FHOD1: variants seen among roughly 807,000 people sequenced by gnomAD.
The protein encoded by FHOD1 is formin homology 2 domain containing 1.
A neutral mutation model predicts 111.6 loss-of-function variants in FHOD1; 89 were observed. The ratio of observed to expected loss-of-function variants is 0.80; its 90% CI spans 0.67 to 0.95. The LOEUF (loss-of-function observed/expected upper bound fraction) is 0.95, where lower values mean the gene tolerates loss of function less well. Ranked by LOEUF, FHOD1 falls within the 40% of genes least tolerant of loss-of-function variation. The pLI, the probability that FHOD1 is intolerant of heterozygous loss-of-function variation, is 0.00. For synonymous variants in FHOD1, 618 were observed against 639.0 expected, an observed-to-expected ratio of 0.97 and a Z score of 0.50; for missense variants, 1,446 against 1,554.2, an observed-to-expected ratio of 0.93 and a Z score of 1.17.
chr16:67,244,729 G>A (rs1567397356), intron 1 of FHOD1, among the ~76,000 whole-genome samples: 2 of 152,188 alleles, frequency 1.3e-5, no homozygotes, highest in Non-Finnish European at 1.5e-5. Context: ...GTACCCAGAG[G>A]AGGACAGAGG....
Position 67,247,412 on chromosome 16 carries a change from G to C in FHOD1, c.-2C>G. ...CCCGCGGTCTTCCCCGCCCGCCATG[G>C]CTCTGCGGCCGGCTCACGCAGCGCG... On this transcript the variant is annotated 5_prime_UTR_variant, in exon 1 of 22. Coordinates refer to ENST00000258201, the MANE Select transcript of FHOD1 (RefSeq NM_013241.3). The C allele has an allele frequency of 6.2e-7, 1 of 1,612,176 alleles. No homozygotes were observed. Among genetic ancestry groups the C allele is most frequent in the South Asian group, 1.1e-5 (1 of 91,014 alleles).
chr16:67,229,785 T>A lies in FHOD1; in HGVS notation c.3412+8A>T. On this transcript the variant is annotated splice_region_variant and intron_variant, in intron 21 of 21. Coordinates refer to ENST00000258201, the MANE Select transcript of FHOD1 (RefSeq NM_013241.3). Reference sequence around the variant, plus strand: ...AGGTGGGCAGTGGGATTGTGGGGGGTTACTTACAAGACTTGCGGTTGCCGC... The same window carrying A: ...AGGTGGGCAGTGGGATTGTGGGGGGATACTTACAAGACTTGCGGTTGCCGC... The A allele has an allele frequency of 6.2e-7, 1 of 1,613,828 alleles. No homozygotes were observed. Among genetic ancestry groups the A allele is most frequent in the Non-Finnish European group, 8.5e-7 (1 of 1,179,946 alleles).
rs1200001307 is a variant in FHOD1 at position 67,231,876 on chromosome 16, G to A, written c.2203-57C>T. ...CCTCAATGCAGGCCTGAGGCCTGAG[G>A]CATTGGTCTTGACCCCTCAGTCATC... On this transcript the variant is annotated intron_variant, in intron 14 of 21. Coordinates refer to ENST00000258201, the MANE Select transcript of FHOD1 (RefSeq NM_013241.3). The surrounding 1 kb of genome is among the most constrained non-coding windows in gnomAD (Gnocchi z 4.3). 3.8e-6 allele frequency: 6 copies of A among 1,574,664 alleles called. No individual in the cohort carries two copies. The highest frequency in any genetic ancestry group is 5.2e-6 in the Non-Finnish European group (6 of 1,157,252).
rs756826518 is a variant in FHOD1 at position 67,231,844 on chromosome 16, A to G, written c.2203-25T>C. 13 of 1,608,348 alleles carry G rather than the reference A, an allele frequency of 8.1e-6. No homozygotes were observed. In the East Asian group the frequency reaches 2.2e-4, roughly 28 times the overall value. ...TCTGAGGATGTAGCCAGAGCCTGAC[A>G]TGGCCCCCTCAATGCAGGCCTGAGG... On this transcript the variant is annotated intron_variant, in intron 14 of 21. Transcript: ENST00000258201. This position sits in a 1 kb window ranked among gnomAD's most constrained non-coding sequence, Gnocchi z 4.3.
chr16:67,235,097 T>C (rs1438662245), intron 11 of FHOD1, among the ~76,000 whole-genome samples: 2 of 152,156 alleles, frequency 1.3e-5, no homozygotes, highest in African/African-American at 4.8e-5. Flanking sequence ...GAGGTCTTAC[T>C]GTGTTGCCCA....
intron 13 of FHOD1, 75 bp downstream of exon 13, chr16:67,233,582 T>C: frequency 6.7e-7 from 1 of 1,491,974 alleles, no homozygotes; most frequent in Non-Finnish European, 8.9e-7. Flanking sequence ...AGTGACTAGC[T>C]CCAACAGGTC....
rs1471431316 is a variant in FHOD1, at chr16:67,237,636, G to A, written c.754+21C>T. On this transcript the variant is annotated intron_variant, in intron 7 of 21. Coordinates refer to ENST00000258201, the MANE Select transcript of FHOD1 (RefSeq NM_013241.3). This position sits in a 1 kb window ranked among gnomAD's most constrained non-coding sequence, Gnocchi z 5.6. ...GAGAGAGGGCTCTGAGCGGTGGGGG[G>A]AGAAAGGGACAGTCTCTGACCGGTG... is the stretch of plus-strand genomic sequence containing the variant. 2 of 1,613,100 alleles carry A rather than the reference G, an allele frequency of 1.2e-6. No homozygotes were observed. The highest frequency in any genetic ancestry group is 1.3e-5 in the African/African-American group (1 of 74,898).
At chr16:67,245,365 A>G (rs1263467535) in intron 1 of FHOD1, among the ~76,000 whole-genome samples, 2 of 152,168 alleles carry the variant, frequency 1.3e-5, no homozygotes, top group Non-Finnish European at 2.9e-5. Context: ...GGGTGGGGAC[A>G]CGGGTCCCAT....
Position 67,247,470 on chromosome 16 carries a change from T to A in FHOD1, c.-60A>T. On this transcript the variant is annotated 5_prime_UTR_variant, in exon 1 of 22. Transcript: ENST00000258201. Reference sequence around the variant, plus strand: ...GTCCCGGCCCCAGTGCAGCTTCTACTCAAAGCACACTGTAGCTCCGCGGTT... The same window carrying A: ...GTCCCGGCCCCAGTGCAGCTTCTACACAAAGCACACTGTAGCTCCGCGGTT... The A allele has an allele frequency of 1.9e-6, 3 of 1,557,562 alleles. No individual in the cohort carries two copies. Among genetic ancestry groups the A allele is most frequent in the Non-Finnish European group, 2.6e-6 (3 of 1,143,808 alleles).
Position 67,229,949 on chromosome 16 carries a change from G to T in FHOD1, c.3256C>A (p.Pro1086Thr). 6.2e-7 allele frequency: 1 copy of T among 1,614,216 alleles called. No individual in the cohort carries two copies. The highest frequency in any genetic ancestry group is 8.5e-7 in the Non-Finnish European group (1 of 1,180,040). Residue 1086 changes from proline (P) to threonine (T), a missense_variant, in exon 21 of 22, where the codon CCC (proline) becomes ACC (threonine). Pro to Thr is a conservative substitution (Grantham distance 38). Transcript: ENST00000258201. ...GGTTCTTCTGGGGATGCAGTGGAGGGCCCCACTGTGGGCATGATTGGGGAG... is the reference window on the plus strand; with the variant it reads ...GGTTCTTCTGGGGATGCAGTGGAGGTCCCCACTGTGGGCATGATTGGGGAG... Reference protein sequence around the residue: ...SSSPIMPTVGPSTASPEEPPG... With the variant: ...SSSPIMPTVGTSTASPEEPPG...
In FHOD1 at chr16:67,238,386, G is replaced by C. The variant is rs1193290163; in HGVS notation, c.435C>G (p.Ile145Met). Residue 145 changes from isoleucine to methionine, a missense_variant, in exon 4 of 22, where the codon ATC becomes ATG. Ile to Met is a conservative substitution (Grantham distance 10, BLOSUM62 1). Coordinates refer to ENST00000258201, the MANE Select transcript of FHOD1 (RefSeq NM_013241.3). This position sits in a 1 kb window ranked among gnomAD's most constrained non-coding sequence, Gnocchi z 4.2. ...GCCCACTGCGGGGCCTCACCTGGAAGATCTGCTTCAGTGAGAAGAGGGAGC... is the reference window on the plus strand; with the variant it reads ...GCCCACTGCGGGGCCTCACCTGGAACATCTGCTTCAGTGAGAAGAGGGAGC... ...LRRSLFSLKQIFQEDKDLVPE... is the reference protein window; with the variant it reads ...LRRSLFSLKQMFQEDKDLVPE... 6.2e-7 allele frequency: 1 copy of C among 1,614,158 alleles called. No homozygotes were observed. Among genetic ancestry groups the C allele is most frequent in the East Asian group, 2.2e-5 (1 of 44,876 alleles).
chr16:67,238,497 T>G lies in FHOD1; in HGVS notation c.374-50A>C. ...CTTGATGGACACAGACTCACTGTCTTCCTCTGCTTGGATACAACCACAACT... is the reference window on the plus strand; with the variant it reads ...CTTGATGGACACAGACTCACTGTCTGCCTCTGCTTGGATACAACCACAACT... On this transcript the variant is annotated intron_variant, in intron 3 of 21. Coordinates refer to ENST00000258201, the MANE Select transcript of FHOD1 (RefSeq NM_013241.3). This position sits in a 1 kb window ranked among gnomAD's most constrained non-coding sequence, Gnocchi z 4.2. 3 of 1,529,696 alleles carry G rather than the reference T, an allele frequency of 2.0e-6. No homozygotes were observed. The highest frequency in any genetic ancestry group is 2.7e-6 in the Non-Finnish European group (3 of 1,111,678). The allele number at this position is 1,529,696 out of a possible 1,614,324, so 94.8% of individuals were successfully genotyped here.
At chr16:67,242,028 GCA>G (rs2034682366) in intron 1 of FHOD1, among the ~76,000 whole-genome samples, 2 of 151,968 alleles carry the variant, frequency 1.3e-5, no homozygotes, top group Admixed American at 1.3e-4. Context: ...GAGTGTAGTG[GCA>G]CAGTCTTGGC....
intron 1 of FHOD1, 131 bp from the exon 2 acceptor site, chr16:67,239,585 C>T: frequency 1.5e-6 from 1 of 681,080 alleles, no homozygotes; most frequent in Non-Finnish European, 2.7e-6. Context: ...CTGTGCATTC[C>T]TTCAGCAGTT....
intron 1 of FHOD1, among the ~76,000 whole-genome samples, chr16:67,241,816 A>T (rs1567395597): frequency 2.0e-5 from 3 of 152,224 alleles, no homozygotes; most frequent in African/African-American, 7.2e-5. Flanking sequence ...TGCACTGGCC[A>T]ACACAGGCTG....
intron 1 of FHOD1, among the ~76,000 whole-genome samples, chr16:67,240,645 C>T (rs2034638804): frequency 6.6e-6 from 1 of 152,270 alleles, no homozygotes; most frequent in African/African-American, 2.4e-5. Flanking sequence ...GTTTCCCTCC[C>T]CGGGCTCTCC....
In FHOD1 at chr16:67,238,410, G is replaced by A; in HGVS notation, c.411C>T (p.Arg137=). The change falls in exon 4 of 22, where the codon CGC becomes CGT. Residue 137 remains arginine (R), a synonymous_variant. Transcript: ENST00000258201. This position sits in a 1 kb window ranked among gnomAD's most constrained non-coding sequence, Gnocchi z 4.2. ...LYSSSGPELR[R]SLFSLKQIFQ... ...AGATCTGCTTCAGTGAGAAGAGGGAGCGGCGGAGCTCAGGACCACTGGAGC... is the reference window on the plus strand; with the variant it reads ...AGATCTGCTTCAGTGAGAAGAGGGAACGGCGGAGCTCAGGACCACTGGAGC... 1.2e-6 allele frequency: 2 copies of A among 1,614,174 alleles called. No individual in the cohort carries two copies. Among genetic ancestry groups the A allele is most frequent in the East Asian group, 2.2e-5 (1 of 44,886 alleles).
At chr16:67,234,679 C>T in intron 11 of FHOD1, 1 of 521,270 alleles carries the variant, frequency 1.9e-6, no homozygotes, top group Non-Finnish European at 3.4e-6. Flanking sequence ...ACTACCAACC[C>T]AGCATTCCCA....
chr16:67,234,095 T>TGCAC lies in FHOD1; in HGVS notation c.1604_1607dup (p.Pro537CysfsTer18). On this transcript the variant is annotated frameshift_variant, in exon 13 of 22. Transcript: ENST00000258201. LOFTEE classifies it high-confidence loss of function. The stretch of plus-strand genomic sequence containing the variant: ...CCAGGTCCCCAATAGAGAGCCTGGG[T>TGCAC]GCACGGGTAGGGAGCTCCCAGATGG... 6 of 1,601,992 alleles carry TGCAC rather than the reference T, an allele frequency of 3.7e-6. No individual in the cohort carries two copies. The highest frequency in any genetic ancestry group is 4.3e-6 in the Non-Finnish European group (5 of 1,171,756).
Sources: gnomAD v4.1 joint callset for allele counts (sites outside exome capture counted in the v4.1 genomes callset) on GRCh38, gnomAD v4.1.1 for gene constraint, Gnocchi (gnomAD v3.1) non-coding constraint, MANE v1.5 for transcripts, NCBI Gene and HGNC (gene_info 2026-07-23, HGNC 2026-07-21) for gene names.